Variants in CNTLN observed in about 807,000 individuals in gnomAD.
The protein encoded by CNTLN is centlein, centrosomal protein.
A neutral mutation model predicts 180.0 loss-of-function variants in CNTLN; 212 were observed. The observed-to-expected ratio is 1.18, with a 90% confidence interval of 1.05 to 1.32. The LOEUF is 1.32. Among genes scored for constraint, CNTLN ranks in the 40% most tolerant of loss-of-function variants. The probability of loss-of-function intolerance (pLI) is 0.00; values close to 1 mark genes in which losing one functional copy is unlikely to be tolerated. For synonymous variants in CNTLN, 722 were observed against 563.1 expected, an observed-to-expected ratio of 1.28 and a Z score of -3.99; for missense variants, 2,095 against 1,610.9, an observed-to-expected ratio of 1.30 and a Z score of -5.14.
intron 12 of CNTLN, among the ~76,000 whole-genome samples, chr9:17,348,084 A>G (rs1338899591): frequency 3.3e-5 from 5 of 151,838 alleles, no homozygotes; most frequent in African/African-American, 1.2e-4. Flanking sequence ...GTCTGCCTCC[A>G]CCTCCCAAAG....
At chr9:17,508,815 C>T (rs2208490), downstream of CNTLN, among the ~76,000 whole-genome samples, 111,032 of 152,154 alleles carry the variant, frequency 0.73, 41,024 homozygotes, top group East Asian at 0.97. Context: ...TTCATTTACC[C>T]GTCAAAGGAC....
intron 18 of CNTLN, among the ~76,000 whole-genome samples, chr9:17,435,318 G>T (rs1564103921): frequency 6.6e-6 from 1 of 152,108 alleles, no homozygotes; most frequent in East Asian, 1.9e-4. Context: ...AGCCCTTACT[G>T]TTCCAATAAT....
At chr9:17,489,844 C>T (rs969640350) in intron 25 of CNTLN, among the ~76,000 whole-genome samples, 1 of 151,810 alleles carries the variant, frequency 6.6e-6, no homozygotes, top group Non-Finnish European at 1.5e-5. Flanking sequence ...TGTCTTTGTC[C>T]CCAGAGATTT....
chr9:17,377,832 G>A lies in CNTLN; in HGVS notation c.1988-10330G>A, dbSNP rs1053226633. Among the ~76,000 whole-genome samples the A allele has an allele frequency of 4.5e-4, 69 of 152,264 alleles. 2 individuals carry two copies. The highest frequency in any genetic ancestry group is 4.0e-3 in the Admixed American group (61 of 15,290). Reference sequence around the variant, plus strand: ...CCTGCTGTGGATGTCACTTGCCTTTGCTAAGTGGATGCCTGAAAATTTACT... The same window carrying A: ...CCTGCTGTGGATGTCACTTGCCTTTACTAAGTGGATGCCTGAAAATTTACT... On this transcript the variant is annotated intron_variant, in intron 13 of 25. Transcript: ENST00000380647.
chr9:17,275,462 A>G (rs1418205697), intron 6 of CNTLN, among the ~76,000 whole-genome samples: 1 of 152,104 alleles, frequency 6.6e-6, no homozygotes, highest in Admixed American at 6.6e-5. Context: ...CTCCATGTAC[A>G]TATTTCACAG....
At chr9:17,245,226 A>C (rs1256615056) in intron 5 of CNTLN, among the ~76,000 whole-genome samples, 1 of 151,984 alleles carries the variant, frequency 6.6e-6, no homozygotes, top group Non-Finnish European at 1.5e-5. Context: ...CGTTCCTTGT[A>C]GGACAGATTT....
At chr9:17,307,828 G>T (rs1029353821) in intron 7 of CNTLN, among the ~76,000 whole-genome samples, 2 of 152,012 alleles carry the variant, frequency 1.3e-5, no homozygotes, top group South Asian at 2.1e-4. Context: ...TTCTTCCCAT[G>T]AGGCAAGGCA....
At chr9:17,235,095 T>G (rs914466275) in intron 3 of CNTLN, among the ~76,000 whole-genome samples, 13 of 152,162 alleles carry the variant, frequency 8.5e-5, no homozygotes, top group African/African-American at 3.1e-4. Context: ...CTGGGGTACA[T>G]CCACCTCGTA....
chr9:17,228,140 A>C (rs946860850), intron 3 of CNTLN, among the ~76,000 whole-genome samples: 1 of 152,108 alleles, frequency 6.6e-6, no homozygotes, highest in African/African-American at 2.4e-5. Flanking sequence ...CTTAGGCATT[A>C]AGTTTGCAAT....
At chr9:17,524,848 A>G in the CNTLN span, among the ~76,000 whole-genome samples, 1 of 152,218 alleles carries the variant, frequency 6.6e-6, no homozygotes, top group Admixed American at 6.5e-5. Context: ...GAGAGTTACA[A>G]AGAAAAAGAA....
rs747547892 is a variant in CNTLN, at chr9:17,236,454, GT to G, written c.717del (p.Ile240Ter). ...GAACAAAGAAGAGCAAAACAGACTAGTTATAAAAAATCTGGAGGAGGAAAAC... is the reference window on the plus strand; with the variant it reads ...GAACAAAGAAGAGCAAAACAGACTAGTATAAAAAATCTGGAGGAGGAAAAC... Reference protein sequence around the residue: ...VQNKEEQNRLVIKNLEEENKK... With the variant: ...VQNKEEQNRLXIKNLEEENKK... On this transcript the variant is annotated frameshift_variant, in exon 5 of 26. Transcript: ENST00000380647. LOFTEE classifies it high-confidence loss of function. 14 of 1,613,538 alleles carry G rather than the reference GT, an allele frequency of 8.7e-6. No homozygotes were observed. Among genetic ancestry groups the G allele is most frequent in the Admixed American group, 1.7e-5 (1 of 59,936 alleles).
At position 17,312,694 on chromosome 9, in the gene CNTLN, C is replaced by A. The variant is rs879543154; in HGVS notation, c.1341+3442C>A. On this transcript the variant is annotated intron_variant, in intron 8 of 25. Transcript: ENST00000380647. ...CTGGGATTACAGGCGTGAGCCACCACGCCAGCCTGTATTTTGATATTTATT... is the reference window on the plus strand; with the variant it reads ...CTGGGATTACAGGCGTGAGCCACCAAGCCAGCCTGTATTTTGATATTTATT... Among the ~76,000 whole-genome samples the A allele has an allele frequency of 5.1e-4, 78 of 151,890 alleles. 2 individuals carry two copies. Among genetic ancestry groups the A allele is most frequent in the Admixed American group, 5.1e-3 (77 of 15,234 alleles).
intron 2 of CNTLN, among the ~76,000 whole-genome samples, chr9:17,198,510 A>G (rs891300658): frequency 5.4e-5 from 7 of 129,734 alleles, no homozygotes; most frequent in Admixed American, 2.3e-4. Flanking sequence ...ATTTGTAATC[A>G]TTGTACATGG....
chr9:17,375,710 T>C (rs1237004037), intron 13 of CNTLN, among the ~76,000 whole-genome samples: 1 of 152,148 alleles, frequency 6.6e-6, no homozygotes, highest in Non-Finnish European at 1.5e-5. Context: ...TTCGTATCTT[T>C]TTTCCTGGAA....
At chr9:17,201,920 A>G (rs1214223590) in intron 2 of CNTLN, among the ~76,000 whole-genome samples, 2 of 151,656 alleles carry the variant, frequency 1.3e-5, no homozygotes, top group Non-Finnish European at 2.9e-5. Flanking sequence ...CTTTTAATTG[A>G]CATGTTAGGG....
chr9:17,204,235 G>C (rs978962100), intron 2 of CNTLN, among the ~76,000 whole-genome samples: 20 of 152,148 alleles, frequency 1.3e-4, no homozygotes, highest in Non-Finnish European at 2.6e-4. Context: ...TGGAGAAGAG[G>C]CATTTTGGTT....
Position 17,465,535 on chromosome 9 carries a change from A to T in CNTLN, c.3532-446A>T, listed in dbSNP as rs573140554. On this transcript the variant is annotated intron_variant, in intron 21 of 25. Transcript: ENST00000380647. ...AGTTACATACACATATTATAATCTT[A>T]TAAATAAGCTATATATATATATAAA... Among the ~76,000 whole-genome samples, 314 of 149,958 alleles carry T rather than the reference A, an allele frequency of 2.1e-3. 1 individual carries two copies. Among genetic ancestry groups the T allele is most frequent in the African/African-American group, 7.4e-3 (305 of 41,244 alleles).
At chr9:17,219,808 A>T (rs118083906) in intron 2 of CNTLN, among the ~76,000 whole-genome samples, 1,635 of 152,172 alleles carry the variant, frequency 0.011, 20 homozygotes, top group Non-Finnish European at 0.015. Flanking sequence ...TACAAAATTA[A>T]AATGCTAGCC....
At position 17,416,083 on chromosome 9, in the gene CNTLN, A is replaced by C. The variant is rs1190656595; in HGVS notation, c.3008A>C (p.Lys1003Thr). ...AACAGTGTACTTCAGAATGCCAAGAAAACAGCAGAATTGTCTGTTAAAGAA... is the reference window on the plus strand; with the variant it reads ...AACAGTGTACTTCAGAATGCCAAGACAACAGCAGAATTGTCTGTTAAAGAA... ...QQNSVLQNAK[K>T]TAELSVKEYK... Residue 1003 changes from lysine (K) to threonine (T), a missense_variant, in exon 18 of 26, where the codon AAA becomes ACA. Transcript: ENST00000380647. The C allele has an allele frequency of 6.2e-7, 1 of 1,613,584 alleles. No individual in the cohort carries two copies. Among genetic ancestry groups the C allele is most frequent in the African/African-American group, 1.3e-5 (1 of 74,916 alleles).
Sources: gnomAD v4.1 joint callset for allele counts (sites outside exome capture counted in the v4.1 genomes callset) on GRCh38, gnomAD v4.1.1 for gene constraint, MANE v1.5 for transcripts, NCBI Gene and HGNC (gene_info 2026-07-23, HGNC 2026-07-21) for gene names.